The following FOXJ2 variants were observed in gnomAD, a reference collection of about 807,000 sequenced individuals.
FOXJ2 encodes the protein forkhead box J2.
FOXJ2 carries 18 observed loss-of-function variants against 68.4 expected under a neutral mutation model. That is an observed-to-expected ratio of 0.26 (90% CI 0.18 to 0.39). The LOEUF is 0.39. Among genes scored for constraint, FOXJ2 ranks in the 10% least tolerant of loss-of-function variants. FOXJ2 has a pLI of 1.00. For synonymous variants in FOXJ2, 274 were observed against 263.2 expected (o/e 1.04, Z -0.40); for missense variants, 670 against 726.5 (o/e 0.92, Z 0.89).
chr12:8,045,058 T>G, intron 6 of FOXJ2, 100 bp downstream of exon 6: 1 of 1,241,438 alleles, frequency 8.1e-7, no homozygotes, highest in Non-Finnish European at 1.1e-6. Context: ...TTTTTATTTT[T>G]TGTGAGACAG....
rs1946855950 is a variant in FOXJ2 at position 8,033,056 on chromosome 12, T to G, written c.-792T>G. Reference sequence around the variant, plus strand: ...CCCCCTGTTGGAGAGAAAAGACCCTTACCACTCGGGTGAGGGAAAGAAGAG... The same window carrying G: ...CCCCCTGTTGGAGAGAAAAGACCCTGACCACTCGGGTGAGGGAAAGAAGAG... On this transcript the variant is annotated 5_prime_UTR_variant, in exon 1 of 11. Coordinates refer to ENST00000162391, the MANE Select transcript of FOXJ2 (RefSeq NM_018416.3). 1 of 389,740 alleles carries G rather than the reference T, an allele frequency of 2.6e-6. No individual in the cohort carries two copies. The highest frequency in any genetic ancestry group is 2.1e-5 in the African/African-American group (1 of 48,244). The allele number at this position is 389,740 out of a possible 1,614,324, so 24.1% of individuals were successfully genotyped here.
intron 8 of FOXJ2, 133 bp from the exon 9 acceptor site, chr12:8,049,229 A>G (rs376588625): frequency 8.6e-6 from 6 of 698,306 alleles, no homozygotes; most frequent in Admixed American, 7.7e-5. Flanking sequence ...TCTGAAAGAT[A>G]TAAATTGTTA....
intron 1 of FOXJ2, among the ~76,000 whole-genome samples, chr12:8,034,184 T>G (rs1298842961): frequency 2.0e-5 from 3 of 152,284 alleles, no homozygotes; most frequent in African/African-American, 7.2e-5. Flanking sequence ...AGTGGTAAGA[T>G]TCCCATACCA....
chr12:8,041,617 C>G (rs1056355220), intron 2 of FOXJ2, among the ~76,000 whole-genome samples: 2 of 151,832 alleles, frequency 1.3e-5, no homozygotes, highest in Non-Finnish European at 2.9e-5. Flanking sequence ...CTCAAGCAAT[C>G]CTTCCACCTA....
chr12:8,037,239 A>C (rs767420810), intron 1 of FOXJ2, among the ~76,000 whole-genome samples: 2 of 152,274 alleles, frequency 1.3e-5, no homozygotes, highest in Non-Finnish European at 2.9e-5. Flanking sequence ...CAAATGGGGA[A>C]GTGAAGAGGG....
intron 1 of FOXJ2, among the ~76,000 whole-genome samples, chr12:8,039,592 A>C (rs750665040): frequency 2.0e-5 from 3 of 152,196 alleles, no homozygotes; most frequent in Non-Finnish European, 4.4e-5. Flanking sequence ...TTTTAGTCTT[A>C]CATGGAGAGG....
intron 8 of FOXJ2, among the ~76,000 whole-genome samples, 164 bp downstream of exon 8, chr12:8,048,962 T>G (rs1385636883): frequency 1.3e-5 from 2 of 152,254 alleles, no homozygotes; most frequent in Non-Finnish European, 2.9e-5. Context: ...ATTTTCAAAT[T>G]AACTCAAATT....
chr12:8,042,871 G>T, intron 3 of FOXJ2, 139 bp downstream of exon 3: 1 of 740,394 alleles, frequency 1.4e-6, no homozygotes. Flanking sequence ...TTTTTTCTCA[G>T]AGGAAGCTTG....
At chr12:8,047,735 C>A in intron 6 of FOXJ2, 147 bp from the exon 7 acceptor site, 1 of 1,074,752 alleles carries the variant, frequency 9.3e-7, no homozygotes, top group Non-Finnish European at 1.3e-6. Context: ...GCCAGGAGGG[C>A]CACAGGGATC....
rs528926885 is a variant in FOXJ2, at chr12:8,047,972, A to G, written c.908A>G (p.Gln303Arg). The G allele has an allele frequency of 6.2e-7, 1 of 1,613,298 alleles. No individual in the cohort carries two copies. The highest frequency in any genetic ancestry group is 8.5e-7 in the Non-Finnish European group (1 of 1,179,674). ...CCACCGCCACCTCAACAGCAGCAGCAGCAGCAGCAGCCGCCACAGCCACCT... is the reference window on the plus strand; with the variant it reads ...CCACCGCCACCTCAACAGCAGCAGCGGCAGCAGCAGCCGCCACAGCCACCT... ...QQPPPPQQQQ[Q>R]QQQPPQPPPQ... The change falls in exon 7 of 11, where the codon CAG becomes CGG. Residue 303 changes from glutamine to arginine, a missense_variant. This residue lies in a region of FOXJ2 where 555 missense variants were observed against 562.2 expected (regional missense o/e 0.99). Transcript: ENST00000162391.
At chr12:8,050,270 C>T in intron 9 of FOXJ2, 1 of 1,195,794 alleles carries the variant, frequency 8.4e-7, no homozygotes, top group Non-Finnish European at 1.0e-6. Context: ...GCCACCATAC[C>T]TGGCCCTGTG....
At chr12:8,042,000 C>T (rs1283700771) in intron 2 of FOXJ2, among the ~76,000 whole-genome samples, 1 of 152,124 alleles carries the variant, frequency 6.6e-6, no homozygotes, top group African/African-American at 2.4e-5. Flanking sequence ...GTCTCAGCCT[C>T]CTGAGTAGCT....
intron 5 of FOXJ2, 29 bp from the exon 6 acceptor site, chr12:8,044,731 G>A (rs761438631): frequency 6.2e-7 from 1 of 1,612,342 alleles, no homozygotes; most frequent in East Asian, 2.2e-5. Context: ...CTGGGACACT[G>A]ATCAGGAATT....
chr12:8,034,247 G>A (rs762480851), intron 1 of FOXJ2, among the ~76,000 whole-genome samples: 1 of 152,236 alleles, frequency 6.6e-6, no homozygotes, highest in African/African-American at 2.4e-5. Flanking sequence ...TGAAAATCAC[G>A]GTGGCATCTG....
chr12:8,043,599 A>T (rs546863810), intron 3 of FOXJ2, 102 bp from the exon 4 acceptor site: 202 of 1,141,958 alleles, frequency 1.8e-4, no homozygotes, highest in Non-Finnish European at 1.6e-4. Flanking sequence ...TGGCATACTC[A>T]GTGAGTTTCT....
chr12:8,048,684 C>A lies in FOXJ2; in HGVS notation c.1226-13C>A, dbSNP rs1483038259. 1.9e-6 allele frequency: 3 copies of A among 1,609,726 alleles called. No homozygotes were observed. Among genetic ancestry groups the A allele is most frequent in the African/African-American group, 2.7e-5 (2 of 74,984 alleles). On this transcript the variant is annotated splice_polypyrimidine_tract_variant and intron_variant, in intron 7 of 10. Coordinates refer to ENST00000162391, the MANE Select transcript of FOXJ2 (RefSeq NM_018416.3). ...ACTCTATCTTATTATCCACTTTCCCCTCCTCTTTACAGCCTTTCCTTCTGA... is the reference window on the plus strand; with the variant it reads ...ACTCTATCTTATTATCCACTTTCCCATCCTCTTTACAGCCTTTCCTTCTGA...
intron 7 of FOXJ2, 43 bp from the exon 8 acceptor site, chr12:8,048,654 A>G (rs1256242299): frequency 3.9e-6 from 6 of 1,546,830 alleles, no homozygotes; most frequent in East Asian, 4.5e-5. Flanking sequence ...GCTGTCTTAC[A>G]CTTCACTCTA....
intron 8 of FOXJ2, 29 bp downstream of exon 8, chr12:8,048,827 G>A: frequency 6.3e-7 from 1 of 1,587,806 alleles, no homozygotes; most frequent in Middle Eastern, 1.7e-4. Context: ...AAGGAAGAGA[G>A]GGATACACTG....
intron 10 of FOXJ2, among the ~76,000 whole-genome samples, chr12:8,052,099 C>T (rs1411270926): frequency 6.6e-6 from 1 of 152,116 alleles, no homozygotes; most frequent in Non-Finnish European, 1.5e-5. Flanking sequence ...AACTCCTGAC[C>T]TCAAGTGATC....
Sources: allele counts gnomAD v4.1 joint callset (sites outside exome capture counted in the v4.1 genomes callset), GRCh38; gene constraint gnomAD v4.1.1; regional missense constraint gnomAD v4.1.1; transcripts MANE v1.5; gene names NCBI Gene and HGNC (gene_info 2026-07-23, HGNC 2026-07-21).